Variants in PRKCA observed in about 807,000 individuals in gnomAD.
The protein encoded by PRKCA is protein kinase C alpha, also known as protein kinase C alpha type.
PRKCA carries 27 observed loss-of-function variants against 87.0 expected under a neutral mutation model. The observed-to-expected ratio is 0.31, with a 90% CI of 0.23 to 0.43. PRKCA has a LOEUF of 0.43. Among genes scored for constraint, PRKCA ranks in the 20% least tolerant of loss-of-function variants. The probability of loss-of-function intolerance (pLI) is 1.00; values close to 1 mark genes in which losing one functional copy is unlikely to be tolerated. For synonymous variants in PRKCA, 329 were observed against 311.1 expected, an observed-to-expected ratio of 1.06 and a Z score of -0.61; for missense variants, 518 against 852.3, an observed-to-expected ratio of 0.61 and a Z score of 4.88.
At chr17:66,639,540 A>C (rs1329920054) in intron 3 of PRKCA, among the ~76,000 whole-genome samples, 1 of 152,042 alleles carries the variant, frequency 6.6e-6, no homozygotes, top group Non-Finnish European at 1.5e-5. Context: ...GGCACACGCC[A>C]CCATGCCTGG....
At position 66,572,071 on chromosome 17, in the gene PRKCA, T is replaced by A. The variant is rs538837117; in HGVS notation, c.289-69284T>A. ...AGAGACTGTGGTGTCTGTGATGCTG[T>A]GATCCTAGACATGGTAAGTGCGTAA... On this transcript the variant is annotated intron_variant, in intron 3 of 16. Transcript: ENST00000413366. 1.9e-3 allele frequency among the ~76,000 whole-genome samples: 294 copies of A among 152,336 alleles called. 2 individuals carry two copies. Among genetic ancestry groups the A allele is most frequent in the Middle Eastern group, 0.01 (3 of 294 alleles).
At chr17:66,383,189 C>T (rs540996539) in intron 2 of PRKCA, among the ~76,000 whole-genome samples, 76 of 152,076 alleles carry the variant, frequency 5.0e-4, no homozygotes, top group African/African-American at 1.7e-3. Context: ...TTTTCTTTTT[C>T]TTTTAATTTC....
chr17:66,445,550 A>T (rs1168661099), intron 2 of PRKCA, among the ~76,000 whole-genome samples: 1 of 152,186 alleles, frequency 6.6e-6, no homozygotes, highest in African/African-American at 2.4e-5. Flanking sequence ...TCCTCAGAGG[A>T]CTCAAATAGT....
chr17:66,734,878 A>C (rs939595207), intron 9 of PRKCA, among the ~76,000 whole-genome samples: 3 of 120,170 alleles, frequency 2.5e-5, no homozygotes, highest in Non-Finnish European at 5.2e-5. Context: ...GCATCCAAAA[A>C]GCTATAGTGG....
intron 8 of PRKCA, among the ~76,000 whole-genome samples, chr17:66,730,881 A>T (rs970132353): frequency 6.6e-6 from 1 of 152,176 alleles, no homozygotes; most frequent in African/African-American, 2.4e-5. Flanking sequence ...TCCAAGAGGG[A>T]CGACGGATGA....
chr17:66,591,062 C>T (rs903495786), intron 3 of PRKCA, among the ~76,000 whole-genome samples: 1 of 152,172 alleles, frequency 6.6e-6, no homozygotes, highest in Non-Finnish European at 1.5e-5. Context: ...CCCCCTGTAC[C>T]GCATTTTCCA....
intron 3 of PRKCA, among the ~76,000 whole-genome samples, chr17:66,615,984 CT>C (rs1970507278): frequency 6.6e-6 from 1 of 152,186 alleles, no homozygotes; most frequent in Non-Finnish European, 1.5e-5. Context: ...ACTAAGGCAG[CT>C]TTGCTCAATG....
chr17:66,417,272 G>GT (rs1567818276), intron 2 of PRKCA, among the ~76,000 whole-genome samples: 1 of 151,640 alleles, frequency 6.6e-6, no homozygotes. Flanking sequence ...GTTTACTGCA[G>GT]TTTACCGTAT....
chr17:66,523,944 GC>G (rs1309544921), intron 3 of PRKCA, among the ~76,000 whole-genome samples: 1 of 152,190 alleles, frequency 6.6e-6, no homozygotes, highest in Non-Finnish European at 1.5e-5. Flanking sequence ...TGTTTATGCT[GC>G]AAGTAAGGCT....
chr17:66,613,894 T>G (rs768413653), intron 3 of PRKCA, among the ~76,000 whole-genome samples: 5 of 151,054 alleles, frequency 3.3e-5, no homozygotes, highest in African/African-American at 4.9e-5. Context: ...GGGATTCTTG[T>G]GCCTCAGCCT....
Position 66,641,472 on chromosome 17 carries a change from T to A in PRKCA, c.400+6T>A. On this transcript the variant is annotated splice_donor_region_variant and intron_variant, in intron 4 of 16. Transcript: ENST00000413366. ...TCAAGGGATGAAATGTGACAGTAAG[T>A]AAGTTTTCTTTTCCAGTTCATAGCG... The A allele has an allele frequency of 1.3e-6, 2 of 1,597,128 alleles. No homozygotes were observed. Among genetic ancestry groups the A allele is most frequent in the Non-Finnish European group, 1.7e-6 (2 of 1,167,382 alleles).
intron 2 of PRKCA, among the ~76,000 whole-genome samples, chr17:66,341,613 C>T (rs541460596): frequency 6.6e-6 from 1 of 152,236 alleles, no homozygotes; most frequent in South Asian, 2.1e-4. Flanking sequence ...GTAAGGAGTA[C>T]TCAAAGAAAG....
chr17:66,454,565 A>G (rs1368761713), intron 2 of PRKCA, among the ~76,000 whole-genome samples: 1 of 152,212 alleles, frequency 6.6e-6, no homozygotes, highest in Non-Finnish European at 1.5e-5. Context: ...TCACAGTTCC[A>G]TGTGTCTGGG....
rs61761547 is a variant in PRKCA at position 66,741,645 on chromosome 17, G to A, written c.1323-14G>A. On this transcript the variant is annotated splice_polypyrimidine_tract_variant and intron_variant, in intron 11 of 16. Coordinates refer to ENST00000413366, the MANE Select transcript of PRKCA (RefSeq NM_002737.3). ...GAAGCAAGTGAGAAACCTGAAGCCC[G>A]TTTTCTTTTGCAGATTCTATGCGGC... 2,615 of 1,613,888 alleles carry A rather than the reference G, an allele frequency of 1.6e-3. 39 individuals carry two copies. In the African/African-American group the frequency reaches 0.03, roughly 18 times the overall value.
At chr17:66,569,796 G>A (rs968669559) in intron 3 of PRKCA, among the ~76,000 whole-genome samples, 28 of 152,180 alleles carry the variant, frequency 1.8e-4, no homozygotes, top group African/African-American at 6.0e-4. Flanking sequence ...GTGTTGGTGA[G>A]GACATGCTCC....
At chr17:66,701,775 C>A (rs1320943951) in intron 8 of PRKCA, among the ~76,000 whole-genome samples, 1 of 151,842 alleles carries the variant, frequency 6.6e-6, no homozygotes, top group African/African-American at 2.4e-5. Flanking sequence ...ATGAGGTATC[C>A]CTGCAGACCT....
intron 3 of PRKCA, among the ~76,000 whole-genome samples, chr17:66,568,787 A>G (rs999124578): frequency 2.0e-5 from 3 of 152,184 alleles, no homozygotes; most frequent in Middle Eastern, 3.2e-3. Flanking sequence ...AAGTGATGAA[A>G]TTGAGAACAA....
At chr17:66,753,799 A>G (rs762970154) in intron 13 of PRKCA, among the ~76,000 whole-genome samples, 57 of 152,124 alleles carry the variant, frequency 3.7e-4, no homozygotes, top group Non-Finnish European at 6.9e-4. Context: ...CCACGTCAGG[A>G]CACAGCGAGA....
chr17:66,466,180 C>T (rs1339266154), intron 2 of PRKCA, among the ~76,000 whole-genome samples: 3 of 152,180 alleles, frequency 2.0e-5, no homozygotes, highest in Non-Finnish European at 4.4e-5. Context: ...GAGGATGGGT[C>T]TGGATCTCCT....
Sources: allele counts gnomAD v4.1 joint callset (sites outside exome capture counted in the v4.1 genomes callset), GRCh38; gene constraint gnomAD v4.1.1; transcripts MANE v1.5; gene names NCBI Gene and HGNC (gene_info 2026-07-23, HGNC 2026-07-21).